RBBP4: variants seen among roughly 807,000 people sequenced by gnomAD.
RBBP4 encodes histone-binding protein RBBP4.
A neutral mutation model predicts 57.2 loss-of-function variants in RBBP4; 3 were observed. That is an observed-to-expected ratio of 0.05 (90% CI 0.02 to 0.14). The LOEUF is 0.14. RBBP4 is among the 10% of genes least tolerant of loss of function. RBBP4 has a pLI of 1.00. For synonymous variants in RBBP4, 151 were observed against 171.5 expected (o/e 0.88, Z 0.93); for missense variants, 107 against 520.6 (o/e 0.21, Z 7.73).
At chr1:32,651,396 G>A in intron 1 of RBBP4, 74 bp downstream of exon 1, 2 of 1,398,096 alleles carry the variant, frequency 1.4e-6, no homozygotes, top group Non-Finnish European at 1.9e-6. Flanking sequence ...TGGCCTAACA[G>A]TGAGGGCAGG....
At chr1:32,677,966 G>T (rs1649177667) in intron 11 of RBBP4, among the ~76,000 whole-genome samples, 3 of 152,106 alleles carry the variant, frequency 2.0e-5, no homozygotes, top group African/African-American at 7.2e-5. Context: ...CAGGTATTCT[G>T]TCAAGCAGTA....
intron 4 of RBBP4, 78 bp downstream of exon 4, chr1:32,668,476 A>G: frequency 1.5e-6 from 2 of 1,356,394 alleles, no homozygotes; most frequent in Non-Finnish European, 1.0e-6. Context: ...GTTTAATTGC[A>G]TGTTACTCTG....
chr1:32,677,069 T>C (rs1649133375), intron 11 of RBBP4, among the ~76,000 whole-genome samples: 1 of 152,238 alleles, frequency 6.6e-6, no homozygotes, highest in Non-Finnish European at 1.5e-5. Flanking sequence ...TTGGTCTTTG[T>C]CCCAGTTCTT....
chr1:32,683,298 G>A lies in RBBP4; in HGVS notation c.*3593G>A, dbSNP rs143002493. 4.0e-5 allele frequency: 6 copies of A among 148,660 alleles called. No homozygotes were observed. The highest frequency in any genetic ancestry group is 1.5e-4 in the African/African-American group (6 of 40,700). 9.2% of individuals were successfully genotyped at this position (148,660 alleles called of 1,614,324 possible). A position where few individuals can be genotyped will look rare whatever the true frequency, so the allele number is the denominator to read the frequency against. ...AAAAAAAAAAAAAGAGTAAGTCTGT[G>A]TAACATGAACATCTCTGCTTCCACC... On this transcript the variant is annotated 3_prime_UTR_variant, in exon 12 of 12. Transcript: ENST00000373493.
intron 11 of RBBP4, among the ~76,000 whole-genome samples, chr1:32,676,150 A>G (rs888636427): frequency 1.3e-4 from 20 of 152,144 alleles, no homozygotes; most frequent in African/African-American, 2.4e-5. Context: ...ACTCCAGCCT[A>G]GATGACATAG....
In RBBP4 at chr1:32,680,658, A is replaced by G. The variant is rs921513259; in HGVS notation, c.*953A>G. The G allele has an allele frequency of 2.0e-6, 2 of 996,262 alleles. No individual in the cohort carries two copies. Among genetic ancestry groups the G allele is most frequent in the African/African-American group, 1.7e-5 (1 of 60,266 alleles). 61.7% of individuals were successfully genotyped at this position (996,262 alleles called of 1,614,324 possible). A position where few individuals can be genotyped will look rare whatever the true frequency, so the allele number is the denominator to read the frequency against. ...ATAAATTGCTTTTCTACATAACCCC[A>G]TGCTGATGGGTTTTATTTAGTATAA... is the stretch of plus-strand genomic sequence containing the variant. On this transcript the variant is annotated 3_prime_UTR_variant, in exon 12 of 12. Transcript: ENST00000373493.
chr1:32,654,248 C>T (rs1487360505), intron 2 of RBBP4, among the ~76,000 whole-genome samples: 2 of 152,054 alleles, frequency 1.3e-5, no homozygotes, highest in Non-Finnish European at 2.9e-5. Context: ...GTGGTGCGTA[C>T]CTGTTAGTCC....
intron 3 of RBBP4, chr1:32,662,163 C>T (rs138948889): frequency 0.02 from 6,115 of 305,326 alleles, 70 homozygotes; most frequent in Non-Finnish European, 0.028. Context: ...GGATTACAGG[C>T]TTGAGCCACC....
chr1:32,678,532 A>T, intron 11 of RBBP4, among the ~76,000 whole-genome samples: 1 of 122,276 alleles, frequency 8.2e-6, no homozygotes, highest in Non-Finnish European at 1.7e-5. Context: ...TGGCCTGGAC[A>T]CCTTATATAA....
At chr1:32,673,640 G>T (rs1570866855) in intron 11 of RBBP4, 1 of 254,392 alleles carries the variant, frequency 3.9e-6, no homozygotes, top group Middle Eastern at 1.6e-3. Flanking sequence ...GTTTCACTAT[G>T]TTGGCCAGGC....
Position 32,684,227 on chromosome 1 carries a change from A to T in RBBP4, c.*4522A>T. On this transcript the variant is annotated 3_prime_UTR_variant, in exon 12 of 12. Transcript: ENST00000373493. ...TCCCACCATCCCCTCAGCCAGTATT[A>T]GATGAGATTTGTATAGCAGCAGAAA... 1 of 1,613,848 alleles carries T rather than the reference A, an allele frequency of 6.2e-7. No individual in the cohort carries two copies. The highest frequency in any genetic ancestry group is 1.3e-5 in the African/African-American group (1 of 75,056).
Position 32,682,588 on chromosome 1 carries a change from T to C in RBBP4, c.*2883T>C, listed in dbSNP as rs1368234539. Reference sequence around the variant, plus strand: ...GAGTTCAAGACCAGCCTGGCCAAGATGGTGAAACCCCGTTTCTACTAAAAA... The same window carrying C: ...GAGTTCAAGACCAGCCTGGCCAAGACGGTGAAACCCCGTTTCTACTAAAAA... On this transcript the variant is annotated 3_prime_UTR_variant, in exon 12 of 12. Coordinates refer to ENST00000373493, the MANE Select transcript of RBBP4 (RefSeq NM_005610.3). The C allele has an allele frequency of 6.6e-6, 1 of 151,658 alleles. No homozygotes were observed. Among genetic ancestry groups the C allele is most frequent in the African/African-American group, 2.4e-5 (1 of 41,238 alleles). The allele number at this position is 151,658 out of a possible 1,614,324, so 9.4% of individuals were successfully genotyped here.
At chr1:32,668,678 T>C (rs1461791301) in intron 4 of RBBP4, 61 bp from the exon 5 acceptor site, 2 of 1,351,878 alleles carry the variant, frequency 1.5e-6, no homozygotes, top group Non-Finnish European at 2.1e-6. Context: ...AATTCCATTA[T>C]GCTCAGTAGG....
intron 1 of RBBP4, chr1:32,651,637 G>T (rs1313055452): frequency 1.3e-6 from 1 of 763,970 alleles, no homozygotes; most frequent in Non-Finnish European, 2.0e-6. Context: ...TCGGAGCTCG[G>T]GCCTCCTCGT....
intron 11 of RBBP4, chr1:32,673,423 C>G: frequency 2.5e-6 from 1 of 395,934 alleles, no homozygotes; most frequent in South Asian, 1.8e-5. Flanking sequence ...AGAATGTGAA[C>G]ACCCTCCTTA....
intron 2 of RBBP4, among the ~76,000 whole-genome samples, chr1:32,657,211 G>A (rs1368836297): frequency 1.3e-5 from 2 of 152,180 alleles, no homozygotes; most frequent in Non-Finnish European, 2.9e-5. Flanking sequence ...GAGAGCCAGA[G>A]GTTGCAGTGA....
intron 2 of RBBP4, among the ~76,000 whole-genome samples, chr1:32,653,666 GT>G (rs71571718): frequency 1.8e-4 from 7 of 39,072 alleles, no homozygotes; most frequent in Non-Finnish European, 2.5e-4. Context: ...TTTTGTTTTT[GT>G]TTTTTTTTTT....
At position 32,681,445 on chromosome 1, in the gene RBBP4, C is replaced by T; in HGVS notation, c.*1740C>T. The T allele has an allele frequency of 5.3e-6, 1 of 189,494 alleles. No individual in the cohort carries two copies. The highest frequency in any genetic ancestry group is 1.1e-5 in the Non-Finnish European group (1 of 92,966). The allele number at this position is 189,494 out of a possible 1,614,324, so 11.7% of individuals were successfully genotyped here. A position where few individuals can be genotyped will look rare whatever the true frequency, so the allele number is the denominator to read the frequency against. ...AATGGAAATTGGCTATCTTTTTGAC[C>T]CCACATGTGCCCCTCAAAAATGTTT... is the stretch of plus-strand genomic sequence containing the variant. On this transcript the variant is annotated 3_prime_UTR_variant, in exon 12 of 12. Transcript: ENST00000373493.
chr1:32,669,513 C>T lies in RBBP4; in HGVS notation c.916C>T (p.Leu306=), dbSNP rs149121780. ...KTVALWDLRN[L]KLKLHSFESH... The stretch of plus-strand genomic sequence containing the variant: ...TGTTGCCTTGTGGGATCTGAGAAAT[C>T]TGAAACTTAAGTTGCATTCCTTTGA... Residue 306 remains leucine (L), a synonymous_variant, in exon 8 of 12, where the codon CTG becomes TTG. Transcript: ENST00000373493. The surrounding 1 kb of genome is among the most constrained non-coding windows in gnomAD (Gnocchi z 4.9). 2.5e-6 allele frequency: 4 copies of T among 1,607,892 alleles called. No individual in the cohort carries two copies. The highest frequency in any genetic ancestry group is 3.4e-6 in the Non-Finnish European group (4 of 1,178,684).
Sources: gnomAD v4.1 joint callset for allele counts (sites outside exome capture counted in the v4.1 genomes callset) on GRCh38, gnomAD v4.1.1 for gene constraint, Gnocchi (gnomAD v3.1) non-coding constraint, MANE v1.5 for transcripts, NCBI Gene and HGNC (gene_info 2026-07-23, HGNC 2026-07-21) for gene names.